Variants in CTNNA3 observed in about 807,000 individuals in gnomAD.
The protein encoded by CTNNA3 is catenin alpha-3.
In CTNNA3, 76 loss-of-function variants were observed where a neutral mutation model predicts 95.7. That is an observed-to-expected ratio of 0.79 (90% CI 0.66 to 0.96). CTNNA3 has a LOEUF of 0.96. Among genes scored for constraint, CTNNA3 ranks in the 40% least tolerant of loss-of-function variants. CTNNA3 has a pLI of 0.00. For missense variants in CTNNA3, 1,191 were observed against 1,089.8 expected, an observed-to-expected ratio of 1.09 and a Z score of -1.31; for synonymous variants, 431 against 374.4, an observed-to-expected ratio of 1.15 and a Z score of -1.74.
At chr10:67,645,259 TC>T (rs1839670539) in intron 2 of CTNNA3, among the ~76,000 whole-genome samples, 1 of 152,164 alleles carries the variant, frequency 6.6e-6, no homozygotes, top group Admixed American at 6.6e-5. Context: ...TAGAATACTT[TC>T]TATTAACTTC....
intron 7 of CTNNA3, among the ~76,000 whole-genome samples, chr10:66,857,565 A>T (rs1213790094): frequency 1.3e-5 from 2 of 151,912 alleles, no homozygotes; most frequent in Non-Finnish European, 2.9e-5. Context: ...CCATTTGCTT[A>T]TGTCATCTTT....
chr10:67,381,857 G>A (rs1229447991), intron 5 of CTNNA3, among the ~76,000 whole-genome samples: 2 of 152,088 alleles, frequency 1.3e-5, no homozygotes. Flanking sequence ...TTGCCCTGCT[G>A]CCTTGTTTTC....
intron 10 of CTNNA3, among the ~76,000 whole-genome samples, chr10:66,585,624 C>T (rs758889071): frequency 1.3e-5 from 2 of 151,776 alleles, no homozygotes; most frequent in Non-Finnish European, 2.9e-5. Flanking sequence ...TGTTGGTTTT[C>T]AACTTTATGT....
rs548861675 is a variant in CTNNA3, at chr10:66,192,276, C to A, written c.1884+88194G>T. ...CACATACATGCATACAAATTTACTC[C>A]CAAGAATTAAATATTTTCTATAGGT... On this transcript the variant is annotated intron_variant, in intron 13 of 17. Transcript: ENST00000433211. Among the ~76,000 whole-genome samples, 27 of 152,168 alleles carry A rather than the reference C, an allele frequency of 1.8e-4. No individual in the cohort carries two copies. The South Asian group carries it at 5.6e-3, about 32-fold the overall frequency.
chr10:67,518,908 A>G (rs1209467453), intron 5 of CTNNA3, among the ~76,000 whole-genome samples: 2 of 152,180 alleles, frequency 1.3e-5, no homozygotes, highest in South Asian at 2.1e-4. Context: ...AAGAACCAAA[A>G]GAGTGTCCAA....
At chr10:66,512,682 T>A (rs12258360) in intron 11 of CTNNA3, among the ~76,000 whole-genome samples, 1 of 151,932 alleles carries the variant, frequency 6.6e-6, no homozygotes, top group Non-Finnish European at 1.5e-5. Flanking sequence ...TTCTTGTAGG[T>A]TCAGTTTAAC....
chr10:66,291,169 G>A (rs1470389193), intron 12 of CTNNA3, among the ~76,000 whole-genome samples: 1 of 151,992 alleles, frequency 6.6e-6, no homozygotes, highest in Non-Finnish European at 1.5e-5. Context: ...CCTGATTGGG[G>A]GTCTCTTCCC....
intron 9 of CTNNA3, among the ~76,000 whole-genome samples, chr10:66,680,965 C>T (rs1470996823): frequency 1.3e-5 from 2 of 152,108 alleles, no homozygotes; most frequent in Admixed American, 6.6e-5. Flanking sequence ...GCAAATACAA[C>T]TCTTGGGGAC....
At chr10:66,006,009 CTTTT>C (rs11415177) in intron 15 of CTNNA3, among the ~76,000 whole-genome samples, 1 of 116,020 alleles carries the variant, frequency 8.6e-6, no homozygotes, top group Non-Finnish European at 1.7e-5. Flanking sequence ...CAAGGAAAGC[CTTTT>C]TTTTTTTTTT....
chr10:65,981,673 G>C (rs1183174043), intron 16 of CTNNA3, among the ~76,000 whole-genome samples: 2 of 151,966 alleles, frequency 1.3e-5, no homozygotes, highest in Admixed American at 6.6e-5. Context: ...GAACAGAATA[G>C]AGAACCCAGA....
Position 67,522,283 on chromosome 10 carries a change from G to A in CTNNA3, c.460-322C>T, listed in dbSNP as rs6480264. Among the ~76,000 whole-genome samples the A allele has an allele frequency of 0.2, 30,084 of 152,046 alleles. 4,935 individuals are homozygous for A. Among genetic ancestry groups the A allele is most frequent in the African/African-American group, 0.46 (18,931 of 41,420 alleles). ...TATACTTCTGCTTTAAAATTTTTTA[G>A]AAAGCACTGTGAATGTATAATTTTA... On this transcript the variant is annotated intron_variant, in intron 4 of 17. Transcript: ENST00000433211.
chr10:65,990,191 G>T (rs2078513659), intron 15 of CTNNA3, among the ~76,000 whole-genome samples: 1 of 151,700 alleles, frequency 6.6e-6, no homozygotes, highest in Admixed American at 6.6e-5. Context: ...AATAAAAATA[G>T]GGGTGCAGGT....
chr10:66,363,489 G>A (rs142035797), intron 12 of CTNNA3, among the ~76,000 whole-genome samples: 2,068 of 152,272 alleles, frequency 0.014, 18 homozygotes, highest in Non-Finnish European at 0.02. Context: ...CTCACCAGAT[G>A]CTGATGATGC....
chr10:66,495,002 G>A (rs970851852), intron 11 of CTNNA3, among the ~76,000 whole-genome samples: 15 of 152,130 alleles, frequency 9.9e-5, no homozygotes, highest in African/African-American at 3.4e-4. Flanking sequence ...CGTATTGAAC[G>A]CAGAAAATGC....
At chr10:67,109,926 G>T (rs1858829725) in intron 7 of CTNNA3, among the ~76,000 whole-genome samples, 1 of 152,172 alleles carries the variant, frequency 6.6e-6, no homozygotes, top group African/African-American at 2.4e-5. Context: ...AAGTTATCAT[G>T]AATAATGCTA....
In CTNNA3 at chr10:66,424,769, TATTA is replaced by T. The variant is rs1004152134; in HGVS notation, c.1532-45421_1532-45418del. 1.2e-3 allele frequency among the ~76,000 whole-genome samples: 176 copies of T among 152,164 alleles called. 2 individuals are homozygous for T. The highest frequency in any genetic ancestry group is 4.1e-3 in the African/African-American group (169 of 41,550). ...ATACAGTCTCTGTTTGCTACAGGGGTATTAATTAAGACTTTGGGATGACTTGTTC... is the reference window on the plus strand; with the variant it reads ...ATACAGTCTCTGTTTGCTACAGGGGTATTAAGACTTTGGGATGACTTGTTC... On this transcript the variant is annotated intron_variant, in intron 11 of 17. Transcript: ENST00000433211.
At chr10:66,798,455 T>C (rs143556496) in intron 7 of CTNNA3, among the ~76,000 whole-genome samples, 1,600 of 151,648 alleles carry the variant, frequency 0.011, 31 homozygotes, top group African/African-American at 0.036. Context: ...TGGAAAAAAA[T>C]TGTGAAAATG....
chr10:67,420,071 G>A (rs1357938005), intron 5 of CTNNA3, among the ~76,000 whole-genome samples: 4 of 151,976 alleles, frequency 2.6e-5, no homozygotes, highest in African/African-American at 4.8e-5. Context: ...GGCTGGTCTC[G>A]AACTCCTGAC....
chr10:66,232,232 T>C (rs2132013291), intron 13 of CTNNA3, among the ~76,000 whole-genome samples: 1 of 152,238 alleles, frequency 6.6e-6, no homozygotes, highest in East Asian at 1.9e-4. Context: ...ATAATAAATT[T>C]ATGTTGTTTT....
Sources: allele counts gnomAD v4.1 joint callset (sites outside exome capture counted in the v4.1 genomes callset), GRCh38; gene constraint gnomAD v4.1.1; transcripts MANE v1.5; gene names NCBI Gene and HGNC (gene_info 2026-07-23, HGNC 2026-07-21).